The following PRRC2B variants were observed in gnomAD, a reference collection of about 807,000 sequenced individuals.
The protein encoded by PRRC2B is proline rich coiled-coil 2B.
A neutral mutation model predicts 242.3 loss-of-function variants in PRRC2B; 68 were observed. That is an observed-to-expected ratio of 0.28 (90% confidence interval 0.23 to 0.34). The LOEUF (loss-of-function observed/expected upper bound fraction) is 0.34. PRRC2B is among the 10% of genes least tolerant of loss of function. The pLI is 1.00. For missense variants in PRRC2B, 2,835 were observed against 2,954.8 expected (o/e 0.96, Z 0.94); for synonymous variants, 1,228 against 1,173.6 (o/e 1.05, Z -0.95).
intron 1 of PRRC2B, among the ~76,000 whole-genome samples, chr9:131,410,679 CTATTTTGTTTCTTCG>C (rs1216134496): frequency 6.6e-6 from 1 of 152,202 alleles, no homozygotes; most frequent in Non-Finnish European, 1.5e-5. Context: ...AGTGGTTTAT[CTATTTTGTTTCTTCG>C]TTCAAGGAAC....
chr9:131,476,681 C>G (rs1002631008), intron 16 of PRRC2B, 146 bp downstream of exon 16: 2 of 676,428 alleles, frequency 3.0e-6, no homozygotes, highest in Admixed American at 6.0e-5. Flanking sequence ...TTGCCTGCCC[C>G]CACATTGCCT....
intron 1 of PRRC2B, among the ~76,000 whole-genome samples, chr9:131,420,998 C>T (rs2131310565): frequency 6.6e-6 from 1 of 152,342 alleles, no homozygotes; most frequent in Admixed American, 6.5e-5. Flanking sequence ...AACTGCAACC[C>T]CGATTGCAGC....
intron 23 of PRRC2B, among the ~76,000 whole-genome samples, chr9:131,484,420 A>G (rs2131467032): frequency 6.6e-6 from 1 of 152,316 alleles, no homozygotes; most frequent in Non-Finnish European, 1.5e-5. Flanking sequence ...GGAGGCAGCC[A>G]TCTCCAGGAG....
At position 131,487,096 on chromosome 9, in the gene PRRC2B, G is replaced by A. The variant is rs1944044153; in HGVS notation, c.5857-71G>A. On this transcript the variant is annotated intron_variant, in intron 26 of 31. Transcript: ENST00000683519. This position sits in a 1 kb window ranked among gnomAD's most constrained non-coding sequence, Gnocchi z 5.3. ...AGCAGCCATGTGGAGAGGGGCAGGG[G>A]AGGTGGGAGGGGAAGAACCACCTGG... 2.8e-6 allele frequency: 4 copies of A among 1,413,116 alleles called. No individual in the cohort carries two copies. In the Admixed American group the frequency reaches 5.1e-5, roughly 18 times the overall value. 87.5% of individuals were successfully genotyped at this position (1,413,116 alleles called of 1,614,324 possible).
intron 18 of PRRC2B, 78 bp from the exon 19 acceptor site, chr9:131,479,174 C>A: frequency 6.9e-7 from 1 of 1,452,162 alleles, no homozygotes; most frequent in Non-Finnish European, 9.5e-7. Context: ...ATTTTTGGTA[C>A]CTGGGATACT....
At chr9:131,414,803 C>G (rs956606194) in intron 1 of PRRC2B, among the ~76,000 whole-genome samples, 2 of 151,996 alleles carry the variant, frequency 1.3e-5, no homozygotes, top group Non-Finnish European at 2.9e-5. Flanking sequence ...CTATTGACCT[C>G]AAGTGATCCA....
At chr9:131,406,729 G>A (rs1837371143) in intron 1 of PRRC2B, among the ~76,000 whole-genome samples, 1 of 152,138 alleles carries the variant, frequency 6.6e-6, no homozygotes, top group South Asian at 2.1e-4. Context: ...AACAGTATAT[G>A]GTGTTGATAC....
intron 14 of PRRC2B, among the ~76,000 whole-genome samples, chr9:131,471,238 C>T (rs1032514816): frequency 6.6e-6 from 1 of 152,096 alleles, no homozygotes; most frequent in Non-Finnish European, 1.5e-5. Context: ...TCTGCTATGT[C>T]GTTTTGTCCT....
chr9:131,379,622 C>T (rs1256613071), intron 1 of PRRC2B, among the ~76,000 whole-genome samples: 1 of 144,240 alleles, frequency 6.9e-6, no homozygotes, highest in African/African-American at 2.5e-5. Flanking sequence ...AGTCCTTGGT[C>T]CATTTTTTTT....
intron 1 of PRRC2B, among the ~76,000 whole-genome samples, chr9:131,395,914 A>G (rs1055733038): frequency 3.9e-5 from 6 of 152,220 alleles, no homozygotes; most frequent in African/African-American, 1.4e-4. Flanking sequence ...CAGACGCCCA[A>G]GGAGTCCTGC....
At chr9:131,421,593 A>G (rs535622032) in intron 1 of PRRC2B, among the ~76,000 whole-genome samples, 2 of 152,200 alleles carry the variant, frequency 1.3e-5, no homozygotes, top group East Asian at 3.9e-4. Flanking sequence ...TTTCTCTCTC[A>G]CTGCCCCCAG....
chr9:131,432,859 C>T (rs1163050209), intron 3 of PRRC2B, 65 bp downstream of exon 3: 1 of 1,537,510 alleles, frequency 6.5e-7, no homozygotes, highest in Non-Finnish European at 8.9e-7. Flanking sequence ...GCATCCTTCC[C>T]TGTGGCAAAC....
rs1390841303 is a variant in PRRC2B, at chr9:131,481,601, G to A, written c.4901-125G>A. The A allele has an allele frequency of 1.8e-5, 13 of 739,986 alleles. 1 individual carries two copies. Among genetic ancestry groups the A allele is most frequent in the South Asian group, 7.8e-5 (5 of 63,872 alleles). The allele number at this position is 739,986 out of a possible 1,614,324, so 45.8% of individuals were successfully genotyped here. On this transcript the variant is annotated intron_variant, in intron 19 of 31. Coordinates refer to ENST00000683519, the MANE Select transcript of PRRC2B (RefSeq NM_013318.4). ...GTCACGGGTAGGGGGCTGGGGTGGC[G>A]GGTGCAGGGGAGGCAGGGGAGTTGG...
intron 10 of PRRC2B, among the ~76,000 whole-genome samples, chr9:131,457,493 TTTC>T (rs1012625981): frequency 2.6e-5 from 4 of 152,212 alleles, no homozygotes; most frequent in African/African-American, 7.2e-5. Context: ...ACCTGCTCTT[TTTC>T]TTCATGTTCT....
At position 131,482,302 on chromosome 9, in the gene PRRC2B, A is replaced by G; in HGVS notation, c.4984-69A>G. 3.4e-6 allele frequency: 5 copies of G among 1,471,566 alleles called. No homozygotes were observed. Among genetic ancestry groups the G allele is most frequent in the Non-Finnish European group, 4.6e-6 (5 of 1,092,428 alleles). The allele number at this position is 1,471,566 out of a possible 1,614,324, so 91.2% of individuals were successfully genotyped here. On this transcript the variant is annotated intron_variant, in intron 20 of 31. Transcript: ENST00000683519. The surrounding 1 kb of genome is among the most constrained non-coding windows in gnomAD (Gnocchi z 5.2). ...TGGGGTAGAAAAGTCTCTGTGCCAC[A>G]TGCAGTTTTACTCTCTGGATAATCG...
chr9:131,426,993 C>T (rs1018662890), intron 1 of PRRC2B, among the ~76,000 whole-genome samples: 5 of 152,148 alleles, frequency 3.3e-5, no homozygotes, highest in African/African-American at 7.2e-5. Context: ...CCATGTGGGG[C>T]GGAGAGGAGA....
chr9:131,407,671 T>G (rs892885025), intron 1 of PRRC2B, among the ~76,000 whole-genome samples: 1 of 152,160 alleles, frequency 6.6e-6, no homozygotes, highest in Non-Finnish European at 1.5e-5. Context: ...TAGCTCCCAC[T>G]TCAGTATTTT....
At chr9:131,458,276 C>A (rs935591524) in intron 10 of PRRC2B, among the ~76,000 whole-genome samples, 3 of 152,090 alleles carry the variant, frequency 2.0e-5, no homozygotes, top group African/African-American at 7.2e-5. Flanking sequence ...GGACACGCAC[C>A]TGGGAGTCCT....
chr9:131,477,679 T>TGTGCACGTGCGG lies in PRRC2B; in HGVS notation c.4407-64_4407-53dup, dbSNP rs1306160324. On this transcript the variant is annotated intron_variant, in intron 16 of 31. Coordinates refer to ENST00000683519, the MANE Select transcript of PRRC2B (RefSeq NM_013318.4). ...GGGTGCCGGGCTTGTGTGCAGGCTG[T>TGTGCACGTGCGG]GTGCACGTGCGGTGTTTTCCCTCCT... The TGTGCACGTGCGG allele has an allele frequency of 5.3e-6, 5 of 945,120 alleles. No individual in the cohort carries two copies. The East Asian group carries it at 1.3e-4, about 24-fold the overall frequency. The allele number at this position is 945,120 out of a possible 1,614,324, so 58.5% of individuals were successfully genotyped here.
Sources: allele counts gnomAD v4.1 joint callset (sites outside exome capture counted in the v4.1 genomes callset), GRCh38; gene constraint gnomAD v4.1.1; non-coding constraint Gnocchi (gnomAD v3.1); transcripts MANE v1.5; gene names NCBI Gene and HGNC (gene_info 2026-07-23, HGNC 2026-07-21).